Variants in PDE4B observed in about 807,000 individuals in gnomAD.
PDE4B encodes the protein phosphodiesterase 4B.
A neutral mutation model predicts 82.2 loss-of-function variants in PDE4B; 20 were observed. The ratio of observed to expected loss-of-function variants is 0.24; its 90% confidence interval spans 0.17 to 0.35. The LOEUF is 0.35. Among genes scored for constraint, PDE4B ranks in the 10% least tolerant of loss-of-function variants. PDE4B has a pLI of 1.00. For synonymous variants in PDE4B, 320 were observed against 318.9 expected (o/e 1.00, Z -0.04); for missense variants, 655 against 907.2 (o/e 0.72, Z 3.57).
At chr1:65,889,261 C>T (rs1352852000) in intron 1 of PDE4B, among the ~76,000 whole-genome samples, 2 of 152,064 alleles carry the variant, frequency 1.3e-5, no homozygotes, top group Admixed American at 1.3e-4. Context: ...ATTGAATCAT[C>T]TTTGCATTCC....
chr1:66,222,571 TAA>T (rs1296165736), intron 3 of PDE4B, among the ~76,000 whole-genome samples: 1 of 152,238 alleles, frequency 6.6e-6, no homozygotes, highest in African/African-American at 2.4e-5. Context: ...AAGGAGAAGA[TAA>T]AAGTTTTAAA....
chr1:65,867,895 A>G (rs936091625), intron 1 of PDE4B, among the ~76,000 whole-genome samples: 7 of 152,220 alleles, frequency 4.6e-5, no homozygotes, highest in Non-Finnish European at 7.3e-5. Flanking sequence ...TGTTCTCTCT[A>G]AAAATCCCTT....
intron 4 of PDE4B, among the ~76,000 whole-genome samples, chr1:66,255,550 T>C (rs1266415780): frequency 5.3e-5 from 8 of 152,182 alleles, no homozygotes; most frequent in Non-Finnish European, 1.2e-4. Context: ...AATAAGCGTG[T>C]TCAGTATTTT....
intron 3 of PDE4B, among the ~76,000 whole-genome samples, chr1:66,013,249 C>T (rs1188805609): frequency 6.6e-6 from 1 of 152,024 alleles, no homozygotes; most frequent in African/African-American, 2.4e-5. Flanking sequence ...GAAATGATAA[C>T]TGATTTTGCC....
At chr1:66,146,308 C>T (rs1006202557) in intron 3 of PDE4B, among the ~76,000 whole-genome samples, 1 of 151,448 alleles carries the variant, frequency 6.6e-6, no homozygotes, top group East Asian at 1.9e-4. Context: ...CTCAGCCTCC[C>T]GAGTAGCTGG....
At chr1:66,029,243 G>A (rs1028907154) in intron 3 of PDE4B, among the ~76,000 whole-genome samples, 1 of 152,180 alleles carries the variant, frequency 6.6e-6, no homozygotes. Context: ...CAGATTTCGT[G>A]AGACATATTC....
chr1:66,204,393 A>G (rs1350827406), intron 3 of PDE4B, among the ~76,000 whole-genome samples: 1 of 152,214 alleles, frequency 6.6e-6, no homozygotes, highest in Admixed American at 6.5e-5. Context: ...GGGACGTTTA[A>G]GTTTGCAGAG....
At chr1:66,208,029 T>G (rs1387061302) in intron 3 of PDE4B, among the ~76,000 whole-genome samples, 2 of 152,336 alleles carry the variant, frequency 1.3e-5, no homozygotes, top group East Asian at 1.9e-4. Flanking sequence ...AAATAAATCC[T>G]AAGGGAAACC....
At chr1:66,269,547 G>A (rs982279642) in intron 7 of PDE4B, among the ~76,000 whole-genome samples, 3 of 152,146 alleles carry the variant, frequency 2.0e-5, no homozygotes, top group African/African-American at 7.2e-5. Context: ...CCAAAATAAG[G>A]CAGGAACTCG....
intron 8 of PDE4B, among the ~76,000 whole-genome samples, chr1:66,348,736 T>A (rs1661597898): frequency 6.6e-6 from 1 of 151,562 alleles, no homozygotes; most frequent in African/African-American, 2.4e-5. Flanking sequence ...GCCCCGAATT[T>A]TTATTTGCTA....
chr1:66,222,958 A>T (rs998911864), intron 3 of PDE4B, among the ~76,000 whole-genome samples: 2 of 152,198 alleles, frequency 1.3e-5, no homozygotes, highest in Non-Finnish European at 2.9e-5. Context: ...TAATTTAAAT[A>T]GTTTTGTTTT....
intron 3 of PDE4B, among the ~76,000 whole-genome samples, chr1:65,919,895 G>A (rs1647206869): frequency 6.6e-6 from 1 of 152,162 alleles, no homozygotes; most frequent in African/African-American, 2.4e-5. Flanking sequence ...AGGTATCACA[G>A]TTAATAGCAT....
intron 3 of PDE4B, among the ~76,000 whole-genome samples, chr1:66,067,737 G>A (rs568202043): frequency 6.6e-6 from 1 of 152,096 alleles, no homozygotes; most frequent in East Asian, 1.9e-4. Flanking sequence ...CATTGCTTTT[G>A]GTGTTTTAGA....
intron 7 of PDE4B, among the ~76,000 whole-genome samples, chr1:66,297,198 T>C (rs1267209807): frequency 6.6e-6 from 1 of 152,186 alleles, no homozygotes; most frequent in Non-Finnish European, 1.5e-5. Context: ...TTTCACTTGC[T>C]TCCTCGACAG....
intron 7 of PDE4B, chr1:66,267,419 A>G (rs777319244): frequency 1.3e-4 from 20 of 152,256 alleles, no homozygotes; most frequent in Non-Finnish European, 2.4e-4. Flanking sequence ...CAGTGAGGCA[A>G]TGTTGCTCAC....
intron 7 of PDE4B, among the ~76,000 whole-genome samples, chr1:66,328,179 T>A (rs2101905342): frequency 6.6e-6 from 1 of 152,308 alleles, no homozygotes; most frequent in African/African-American, 2.4e-5. Flanking sequence ...TTTCTCAGAG[T>A]CAAATGCAAT....
chr1:66,075,428 G>T (rs1357545043), intron 3 of PDE4B, among the ~76,000 whole-genome samples: 2 of 152,056 alleles, frequency 1.3e-5, no homozygotes, highest in Admixed American at 1.3e-4. Flanking sequence ...ATTTTTCTAA[G>T]TGAGATTTCC....
intron 1 of PDE4B, among the ~76,000 whole-genome samples, chr1:65,901,009 A>G (rs965698805): frequency 6.6e-6 from 1 of 152,010 alleles, no homozygotes; most frequent in African/African-American, 2.4e-5. Context: ...GAGTAGTGAG[A>G]GTGGGAATCC....
intron 3 of PDE4B, among the ~76,000 whole-genome samples, chr1:66,160,982 A>C (rs1646600932): frequency 1.3e-5 from 2 of 152,240 alleles, no homozygotes; most frequent in Non-Finnish European, 2.9e-5. Context: ...CTATCCTAAA[A>C]GACATGTGTG....
Sources: gnomAD v4.1 joint callset for allele counts (sites outside exome capture counted in the v4.1 genomes callset) on GRCh38, gnomAD v4.1.1 for gene constraint, MANE v1.5 for transcripts, NCBI Gene and HGNC (gene_info 2026-07-23, HGNC 2026-07-21) for gene names.